Variants in EYS observed in about 807,000 individuals in gnomAD.
EYS encodes protein eyes shut homolog.
EYS carries 250 observed loss-of-function variants against 282.1 expected under a neutral mutation model. That is an observed-to-expected ratio of 0.89 (90% CI 0.80 to 0.98). The LOEUF (loss-of-function observed/expected upper bound fraction) is 0.98, where lower values mean the gene tolerates loss of function less well. Among genes scored for constraint, EYS ranks in the 50% least tolerant of loss-of-function variants. The pLI is 0.00. For missense variants in EYS, 4,016 were observed against 3,709.0 expected, an observed-to-expected ratio of 1.08 and a Z score of -2.15; for synonymous variants, 1,355 against 1,282.9, an observed-to-expected ratio of 1.06 and a Z score of -1.20.
chr6:65,608,208 T>C (rs984339286), intron 2 of EYS, among the ~76,000 whole-genome samples: 1 of 152,076 alleles, frequency 6.6e-6, no homozygotes, highest in Non-Finnish European at 1.5e-5. Context: ...TATAGCCTAT[T>C]GCTCCTAGGC....
At chr6:64,228,812 GT>G (rs1297966757) in intron 31 of EYS, among the ~76,000 whole-genome samples, 1 of 151,894 alleles carries the variant, frequency 6.6e-6, no homozygotes, top group Non-Finnish European at 1.5e-5. Context: ...ATCCTCCATT[GT>G]TTTTTTCTGG....
intron 12 of EYS, among the ~76,000 whole-genome samples, chr6:65,161,832 C>T (rs1024743017): frequency 6.6e-6 from 1 of 151,180 alleles, no homozygotes; most frequent in African/African-American, 2.4e-5. Flanking sequence ...TCTCAGTATC[C>T]TTTATTTATG....
chr6:65,688,944 A>T (rs1769133443), intron 1 of EYS, among the ~76,000 whole-genome samples: 1 of 151,624 alleles, frequency 6.6e-6, no homozygotes, highest in South Asian at 2.1e-4. Context: ...AACTAGTTCA[A>T]CCATTGTGGA....
chr6:64,856,019 G>C (rs946529178), intron 19 of EYS, among the ~76,000 whole-genome samples: 1 of 147,312 alleles, frequency 6.8e-6, no homozygotes, highest in African/African-American at 2.5e-5. Context: ...ACCTATTATA[G>C]GATGTGTTGG....
At chr6:64,051,575 G>A (rs962813418) in intron 33 of EYS, among the ~76,000 whole-genome samples, 12 of 152,108 alleles carry the variant, frequency 7.9e-5, no homozygotes, top group Non-Finnish European at 1.2e-4. Context: ...ATGCATTAGG[G>A]ATAAGAATAG....
chr6:64,071,530 T>A (rs1562185370), intron 32 of EYS, among the ~76,000 whole-genome samples: 1 of 150,120 alleles, frequency 6.7e-6, no homozygotes, highest in Admixed American at 6.6e-5. Context: ...AATAAGTAAA[T>A]AAAATCTTTG....
At chr6:64,789,668 C>T (rs1774126493) in intron 22 of EYS, among the ~76,000 whole-genome samples, 1 of 152,054 alleles carries the variant, frequency 6.6e-6, no homozygotes, top group African/African-American at 2.4e-5. Flanking sequence ...TTCTCTTTCT[C>T]CTTCCCCTGT....
intron 23 of EYS, among the ~76,000 whole-genome samples, chr6:64,623,870 T>C (rs1562097480): frequency 6.6e-6 from 1 of 152,056 alleles, no homozygotes; most frequent in Non-Finnish European, 1.5e-5. Flanking sequence ...TGGCAAACTA[T>C]GCCCATTAAG....
chr6:64,372,145 T>G (rs1052615722), intron 29 of EYS, among the ~76,000 whole-genome samples: 596 of 29,894 alleles, frequency 0.02, 9 homozygotes, highest in African/African-American at 0.032. Context: ...TTTTTTTTTT[T>G]TTTTTTTTTT....
At chr6:65,687,414 G>A (rs1179480214) in intron 1 of EYS, among the ~76,000 whole-genome samples, 3 of 151,944 alleles carry the variant, frequency 2.0e-5, no homozygotes, top group Non-Finnish European at 4.4e-5. Context: ...GACATATCAA[G>A]GTCAAATAAC....
chr6:65,576,656 A>G (rs901827541), intron 2 of EYS, among the ~76,000 whole-genome samples: 14 of 151,920 alleles, frequency 9.2e-5, no homozygotes, highest in African/African-American at 3.4e-4. Context: ...TTTTCAGATT[A>G]CATAATCTTA....
intron 35 of EYS, among the ~76,000 whole-genome samples, chr6:63,921,757 G>T (rs1764579704): frequency 6.6e-6 from 1 of 152,186 alleles, no homozygotes; most frequent in Non-Finnish European, 1.5e-5. Flanking sequence ...ACCCCAGTGG[G>T]TTTCAGTTTC....
chr6:64,893,142 G>T (rs1711933490), intron 18 of EYS, among the ~76,000 whole-genome samples: 1 of 152,058 alleles, frequency 6.6e-6, no homozygotes, highest in Non-Finnish European at 1.5e-5. Flanking sequence ...GACTTGAAAA[G>T]ACATTAGTTG....
At chr6:65,582,198 CAAATAAATAAATAAAT>C (rs3049810) in intron 2 of EYS, among the ~76,000 whole-genome samples, 1 of 143,182 alleles carries the variant, frequency 7.0e-6, no homozygotes, top group African/African-American at 2.6e-5. Context: ...TCCATCTCAA[CAAATAAATAAATAAAT>C]AAATAAATAA....
intron 26 of EYS, among the ~76,000 whole-genome samples, chr6:64,467,140 C>T (rs1775944901): frequency 1.3e-5 from 2 of 152,170 alleles, no homozygotes; most frequent in African/African-American, 4.8e-5. Flanking sequence ...CTTCTAATAA[C>T]ATGGGACAAA....
At chr6:65,553,308 CT>C (rs1303243852) in intron 2 of EYS, among the ~76,000 whole-genome samples, 2 of 152,096 alleles carry the variant, frequency 1.3e-5, no homozygotes, top group African/African-American at 4.8e-5. Flanking sequence ...TCACAGCAAT[CT>C]ATCACTGAGG....
chr6:65,306,402 A>G (rs1470818861), intron 11 of EYS, among the ~76,000 whole-genome samples: 1 of 152,202 alleles, frequency 6.6e-6, no homozygotes, highest in Non-Finnish European at 1.5e-5. Flanking sequence ...ATCCATCTTC[A>G]GCTGACTGAA....
rs1296422431 is a variant in EYS, at chr6:63,803,847, A to C, written c.7411+2343T>G. On this transcript the variant is annotated intron_variant, in intron 37 of 42. Transcript: ENST00000503581. Reference sequence around the variant, plus strand: ...GACAAGAAACAACTATATTAAAAATAAATAAAAGGATACTAAATTAAAGTA... The same window carrying C: ...GACAAGAAACAACTATATTAAAAATCAATAAAAGGATACTAAATTAAAGTA... Among the ~76,000 whole-genome samples the C allele has an allele frequency of 2.0e-5, 3 of 152,202 alleles. No homozygotes were observed. In the South Asian group the frequency reaches 6.2e-4, roughly 32 times the overall value.
chr6:65,684,868 T>C (rs936836824), intron 1 of EYS, among the ~76,000 whole-genome samples: 7 of 151,962 alleles, frequency 4.6e-5, no homozygotes, highest in Non-Finnish European at 1.0e-4. Flanking sequence ...GTTTTTCTTT[T>C]GTCTTCAACC....
Sources: allele counts gnomAD v4.1 joint callset (sites outside exome capture counted in the v4.1 genomes callset), GRCh38; gene constraint gnomAD v4.1.1; transcripts MANE v1.5; gene names NCBI Gene and HGNC (gene_info 2026-07-23, HGNC 2026-07-21).